The following RANBP2 variants were observed in gnomAD, a reference collection of about 807,000 sequenced individuals.
RANBP2 encodes the protein RAN binding protein 2.
A neutral mutation model predicts 303.6 loss-of-function variants in RANBP2; 57 were observed. The ratio of observed to expected loss-of-function variants is 0.19; its 90% CI spans 0.15 to 0.23. The LOEUF is 0.23. RANBP2 is among the 10% of genes least tolerant of loss of function. The pLI, the probability that RANBP2 is intolerant of heterozygous loss-of-function variation, is 1.00. For missense variants in RANBP2, 3,138 were observed against 3,780.8 expected, an observed-to-expected ratio of 0.83 and a Z score of 4.46; for synonymous variants, 1,167 against 1,301.5, an observed-to-expected ratio of 0.90 and a Z score of 2.23.
At chr2:109,173,320 C>G in the RANBP2 span, among the ~76,000 whole-genome samples, 1 of 152,130 alleles carries the variant, frequency 6.6e-6, no homozygotes, top group African/African-American at 2.4e-5. Context: ...TCCTCAGACT[C>G]TCCTTCCTGT....
the RANBP2 span, among the ~76,000 whole-genome samples, chr2:109,342,722 T>C: frequency 6.6e-6 from 1 of 152,218 alleles, no homozygotes; most frequent in Non-Finnish European, 1.5e-5. Context: ...TAGAGCCTGC[T>C]GCCACATGCC....
At chr2:109,211,547 G>A in the RANBP2 span, among the ~76,000 whole-genome samples, 718 of 152,354 alleles carry the variant, frequency 4.7e-3, 3 homozygotes, top group South Asian at 5.4e-3. Context: ...CAAGCTCCGG[G>A]GCTGTCACAG....
At chr2:109,540,395 A>G in the RANBP2 span, among the ~76,000 whole-genome samples, 4 of 150,884 alleles carry the variant, frequency 2.7e-5, no homozygotes, top group Non-Finnish European at 4.4e-5. Flanking sequence ...ATTTTCCTAT[A>G]CTCCTATCAA....
the RANBP2 span, among the ~76,000 whole-genome samples, chr2:109,546,625 A>G: frequency 6.6e-6 from 1 of 152,202 alleles, no homozygotes; most frequent in South Asian, 2.1e-4. Context: ...AAAAAACAAC[A>G]ACACTATTTT....
At chr2:109,051,752 CTTT>C in the RANBP2 span, among the ~76,000 whole-genome samples, 2 of 140,976 alleles carry the variant, frequency 1.4e-5, no homozygotes, top group Non-Finnish European at 1.5e-5. Flanking sequence ...TTTCTAAGTT[CTTT>C]TTTTTTTTTT....
chr2:108,856,218 GGCCTGGGTAAAATCTTGCTGCCATTC>G, the RANBP2 span, among the ~76,000 whole-genome samples: 1 of 152,144 alleles, frequency 6.6e-6, no homozygotes, highest in Non-Finnish European at 1.5e-5. Context: ...TCACAGCACT[GGCCTGGGTAAAATCTTGCTGCCATTC>G]TTAATGGCAG....
At chr2:108,980,586 G>A in the RANBP2 span, among the ~76,000 whole-genome samples, 5 of 152,192 alleles carry the variant, frequency 3.3e-5, no homozygotes, top group East Asian at 7.7e-4. Context: ...ACACTGTTAT[G>A]GATAAAGGTA....
the RANBP2 span, among the ~76,000 whole-genome samples, chr2:109,187,141 T>C: frequency 6.7e-6 from 1 of 149,946 alleles, no homozygotes; most frequent in Admixed American, 6.7e-5. Context: ...GACACAGGAC[T>C]CTGTCCCCAC....
At chr2:109,553,309 C>T in the RANBP2 span, 1 of 1,365,284 alleles carries the variant, frequency 7.3e-7, no homozygotes, top group African/African-American at 1.4e-5. Flanking sequence ...CTTTGGGAGG[C>T]CGAGGCAGGT....
chr2:109,724,535 G>T, the RANBP2 span, among the ~76,000 whole-genome samples: 1 of 152,118 alleles, frequency 6.6e-6, no homozygotes, highest in East Asian at 1.9e-4. Context: ...ACAGGTAGGT[G>T]GTGGGCACAC....
At chr2:108,976,101 T>C in the RANBP2 span, among the ~76,000 whole-genome samples, 2 of 152,224 alleles carry the variant, frequency 1.3e-5, no homozygotes, top group Non-Finnish European at 2.9e-5. Flanking sequence ...CATCTTCAGA[T>C]GTCCTTAGTT....
At chr2:109,239,058 T>C in the RANBP2 span, among the ~76,000 whole-genome samples, 1 of 152,256 alleles carries the variant, frequency 6.6e-6, no homozygotes, top group Non-Finnish European at 1.5e-5. Flanking sequence ...CCTGGGTTTA[T>C]GCAGTGCCAA....
chr2:109,674,410 C>CAAAAAA, the RANBP2 span, among the ~76,000 whole-genome samples: 4 of 75,290 alleles, frequency 5.3e-5, no homozygotes, highest in Admixed American at 1.8e-4. Context: ...CTTGTGTCTC[C>CAAAAAA]AAAAAAAAAA....
the RANBP2 span, among the ~76,000 whole-genome samples, chr2:109,712,006 C>T: frequency 4.3e-4 from 65 of 152,260 alleles, no homozygotes; most frequent in African/African-American, 1.5e-3. Flanking sequence ...TCCCTGTCAT[C>T]GGGGCTGATG....
At chr2:109,501,477 G>T in the RANBP2 span, 1 of 768,878 alleles carries the variant, frequency 1.3e-6, no homozygotes, top group Non-Finnish European at 2.4e-6. Context: ...TCTGTGTGGG[G>T]CTCACCCACT....
chr2:109,101,285 G>A, the RANBP2 span, among the ~76,000 whole-genome samples: 17 of 152,264 alleles, frequency 1.1e-4, no homozygotes, highest in South Asian at 3.5e-3. Context: ...CCAGCACTTT[G>A]AGAGACCGAG....
At chr2:109,071,495 G>A in the RANBP2 span, among the ~76,000 whole-genome samples, 2 of 152,114 alleles carry the variant, frequency 1.3e-5, no homozygotes, top group South Asian at 4.2e-4. Context: ...CCAACATGGT[G>A]AAACTCTGTC....
chr2:109,537,096 G>GC, the RANBP2 span, among the ~76,000 whole-genome samples: 1 of 152,114 alleles, frequency 6.6e-6, no homozygotes, highest in Non-Finnish European at 1.5e-5. Context: ...GAATGTAAGG[G>GC]GATAACTCTG....
the RANBP2 span, among the ~76,000 whole-genome samples, chr2:109,249,522 T>C: frequency 2.3e-5 from 3 of 127,870 alleles, 1 homozygote; most frequent in African/African-American, 9.2e-5. Flanking sequence ...TCTTTCTTTT[T>C]CTTTCTTTCT....
Sources: gnomAD v4.1 joint callset for allele counts (sites outside exome capture counted in the v4.1 genomes callset) on GRCh38, gnomAD v4.1.1 for gene constraint, MANE v1.5 for transcripts, NCBI Gene and HGNC (gene_info 2026-07-23, HGNC 2026-07-21) for gene names.